The following PALM2AKAP2 variants were observed in gnomAD, a reference collection of about 807,000 sequenced individuals.
PALM2AKAP2 encodes the protein PALM2 and AKAP2 fusion, also known as PALM2-AKAP2 fusion protein.
PALM2AKAP2 carries 37 observed loss-of-function variants against 71.5 expected under a neutral mutation model. The ratio of observed to expected loss-of-function variants is 0.52; its 90% CI spans 0.40 to 0.68. The LOEUF is 0.68. Ranked by LOEUF, PALM2AKAP2 falls within the 30% of genes least tolerant of loss-of-function variation. PALM2AKAP2 has a pLI of 0.00. For missense variants in PALM2AKAP2, 1,224 were observed against 1,191.8 expected (o/e 1.03, Z -0.40); for synonymous variants, 468 against 478.8 (o/e 0.98, Z 0.29).
rs542315712 is a variant in PALM2AKAP2, at chr9:109,810,052, G to A, written c.45+29519G>A. 1.9e-4 allele frequency among the ~76,000 whole-genome samples: 29 copies of A among 152,224 alleles called. No individual in the cohort carries two copies. In the South Asian group the frequency reaches 4.8e-3, roughly 25 times the overall value. ...TGGGAGAATGAACTAATACACCCCC[G>A]AAGGCCCTACCTAATATAATCACAT... is the stretch of plus-strand genomic sequence containing the variant. On this transcript the variant is annotated intron_variant, in intron 1 of 9. Transcript: ENST00000302798.
At chr9:109,808,707 T>A (rs973116344) in intron 1 of PALM2AKAP2, among the ~76,000 whole-genome samples, 25 of 152,162 alleles carry the variant, frequency 1.6e-4, no homozygotes, top group African/African-American at 5.8e-4. Context: ...ACCAAAACAA[T>A]GGGGAAAATA....
intron 1 of PALM2AKAP2, among the ~76,000 whole-genome samples, chr9:110,100,051 C>CTATATACA (rs1554751768): frequency 2.7e-5 from 3 of 109,464 alleles, no homozygotes; most frequent in Non-Finnish European, 3.7e-5. Context: ...GTATGTGTGT[C>CTATATACA]TATATATATA....
chr9:109,719,365 G>A (rs997127505), intron 1 of PALM2AKAP2, among the ~76,000 whole-genome samples: 1 of 152,164 alleles, frequency 6.6e-6, no homozygotes, highest in Non-Finnish European at 1.5e-5. Context: ...TGCTACAAAT[G>A]CTTTGTATCC....
At chr9:109,710,830 T>TTCAA (rs1828223361) in intron 1 of PALM2AKAP2, among the ~76,000 whole-genome samples, 1 of 152,206 alleles carries the variant, frequency 6.6e-6, no homozygotes, top group African/African-American at 2.4e-5. Context: ...GCCAATGGTG[T>TTCAA]CTGCCATTGG....
At chr9:110,144,342 A>G (rs1587856655) in intron 2 of PALM2AKAP2, among the ~76,000 whole-genome samples, 1 of 152,358 alleles carries the variant, frequency 6.6e-6, no homozygotes, top group East Asian at 1.9e-4. Flanking sequence ...GTGTCCACAG[A>G]TGGTTATTGT....
chr9:110,130,177 T>C (rs1835702877), intron 1 of PALM2AKAP2, among the ~76,000 whole-genome samples: 1 of 152,252 alleles, frequency 6.6e-6, no homozygotes, highest in Admixed American at 6.5e-5. Flanking sequence ...ACATTTGCAT[T>C]AACCGTTTTA....
intron 1 of PALM2AKAP2, among the ~76,000 whole-genome samples, chr9:109,654,444 C>T (rs1482668377): frequency 1.3e-5 from 2 of 152,136 alleles, no homozygotes; most frequent in Non-Finnish European, 2.9e-5. Context: ...AAAGACAATG[C>T]ATATTTGTTA....
At chr9:109,795,416 G>A (rs58950048) in intron 1 of PALM2AKAP2, among the ~76,000 whole-genome samples, 12,811 of 152,082 alleles carry the variant, frequency 0.084, 1,592 homozygotes, top group African/African-American at 0.27. Context: ...AATCCCTCAC[G>A]ACAATATTGA....
intron 6 of PALM2AKAP2, among the ~76,000 whole-genome samples, chr9:109,954,076 T>C (rs1831699283): frequency 6.6e-6 from 1 of 152,164 alleles, no homozygotes; most frequent in Non-Finnish European, 1.5e-5. Context: ...CACTTTGTTT[T>C]CTTATCTGTT....
At position 109,986,554 on chromosome 9, in the gene PALM2AKAP2, G is replaced by A. The variant is rs140830173; in HGVS notation, c.497-29400G>A. Among the ~76,000 whole-genome samples, 15 of 152,190 alleles carry A rather than the reference G, an allele frequency of 9.9e-5. No homozygotes were observed. The East Asian group carries it at 2.5e-3, about 25-fold the overall frequency. On this transcript the variant is annotated intron_variant, in intron 6 of 9. Transcript: ENST00000302798. ...ATGCAAATAGAATTTTCAGTGCTAC[G>A]GCTTCTCTGACTTAAATTTTCTGTT...
Position 109,683,062 on chromosome 9 carries a change from T to C in PALM2AKAP2, c.5+42196T>C, listed in dbSNP as rs553919523. 3.3e-4 allele frequency among the ~76,000 whole-genome samples: 50 copies of C among 152,202 alleles called. No individual in the cohort carries two copies. The East Asian group carries it at 8.3e-3, about 25-fold the overall frequency. On this transcript the variant is annotated intron_variant, in intron 1 of 6. Transcript: ENST00000374531. ...AGTGAGTTCTTTCGAGATCTGGTTG[T>C]TTAAAAGTGTGGCACCTCCCCTCCC...
intron 7 of PALM2AKAP2, among the ~76,000 whole-genome samples, chr9:110,031,943 G>A (rs1833285141): frequency 6.6e-6 from 1 of 151,552 alleles, no homozygotes; most frequent in Non-Finnish European, 1.5e-5. Context: ...TGGCCCATGA[G>A]TCTTCATCCT....
intron 3 of PALM2AKAP2, among the ~76,000 whole-genome samples, chr9:109,894,872 T>C (rs1830165362): frequency 6.6e-6 from 1 of 152,166 alleles, no homozygotes. Flanking sequence ...CATCTCGGCT[T>C]CCCAGAGTGC....
At chr9:109,648,489 A>G (rs1356114881) in intron 1 of PALM2AKAP2, among the ~76,000 whole-genome samples, 5 of 152,238 alleles carry the variant, frequency 3.3e-5, no homozygotes, top group Admixed American at 2.6e-4. Flanking sequence ...CAGACAATAC[A>G]TATATTACAT....
chr9:110,100,970 T>C (rs1391419555), intron 1 of PALM2AKAP2, among the ~76,000 whole-genome samples: 1 of 152,176 alleles, frequency 6.6e-6, no homozygotes, highest in Non-Finnish European at 1.5e-5. Flanking sequence ...AGAGCCAAGA[T>C]GGGATGCCTC....
intron 1 of PALM2AKAP2, among the ~76,000 whole-genome samples, chr9:110,056,770 T>C (rs1833850796): frequency 6.6e-6 from 1 of 152,198 alleles, no homozygotes; most frequent in South Asian, 2.1e-4. Flanking sequence ...CAGATCAGTG[T>C]TAAATGCAGG....
Position 109,695,296 on chromosome 9 carries a change from G to C in PALM2AKAP2, c.5+54430G>C, listed in dbSNP as rs139904250. On this transcript the variant is annotated intron_variant, in intron 1 of 6. Transcript: ENST00000374531. ...AGATGTCCCTTCTATAACTGATTTC[G>C]TTTCTTTTGGATGTATTCCCAGCGG... is the stretch of plus-strand genomic sequence containing the variant. Among the ~76,000 whole-genome samples the C allele has an allele frequency of 1.2e-3, 177 of 152,210 alleles. 1 individual carries two copies. The highest frequency in any genetic ancestry group is 4.0e-3 in the African/African-American group (166 of 41,546).
chr9:110,020,022 C>T (rs1249493624), intron 7 of PALM2AKAP2, among the ~76,000 whole-genome samples: 2 of 152,216 alleles, frequency 1.3e-5, no homozygotes, highest in East Asian at 3.9e-4. Flanking sequence ...GCACAGACTC[C>T]CCCTCTTACA....
intron 1 of PALM2AKAP2, among the ~76,000 whole-genome samples, chr9:109,683,032 TAGTG>T (rs1259608960): frequency 2.6e-5 from 4 of 152,162 alleles, no homozygotes; most frequent in African/African-American, 9.7e-5. Context: ...GTTCTTATGT[TAGTG>T]AGTGAGTTCT....
Sources: gnomAD v4.1 joint callset for allele counts (sites outside exome capture counted in the v4.1 genomes callset) on GRCh38, gnomAD v4.1.1 for gene constraint, MANE v1.5 for transcripts, NCBI Gene and HGNC (gene_info 2026-07-23, HGNC 2026-07-21) for gene names.